MTMR7: variants seen among roughly 807,000 people sequenced by gnomAD.
MTMR7 encodes the protein myotubularin related protein 7, also known as phosphatidylinositol-3-phosphate phosphatase MTMR7.
Under a neutral mutation model 81.2 loss-of-function variants are expected in MTMR7, and 76 were observed. The observed-to-expected ratio is 0.94, with a 90% CI of 0.78 to 1.13. MTMR7 has a LOEUF of 1.13. Among genes scored for constraint, MTMR7 ranks in the 50% most tolerant of loss-of-function variants. The pLI is 0.00. For synonymous variants in MTMR7, 372 were observed against 289.8 expected (o/e 1.28, Z -2.88); for missense variants, 1,044 against 820.0 (o/e 1.27, Z -3.34).
chr8:17,394,316 A>G (rs1821187173), intron 1 of MTMR7, among the ~76,000 whole-genome samples: 2 of 152,256 alleles, frequency 1.3e-5, no homozygotes, highest in South Asian at 4.1e-4. Flanking sequence ...TGATGAATGC[A>G]TAAACAAATG....
chr8:17,357,358 G>T (rs1819926257), intron 4 of MTMR7, among the ~76,000 whole-genome samples: 1 of 152,192 alleles, frequency 6.6e-6, no homozygotes, highest in African/African-American at 2.4e-5. Context: ...AAACGAAATG[G>T]ATGACAAATA....
chr8:17,348,961 C>A lies in MTMR7; in HGVS notation c.589G>T (p.Asp197Tyr). The change falls in exon 5 of 14, where the codon GAT becomes TAT. Residue 197 changes from aspartate (D) to tyrosine (Y), a missense_variant. Coordinates refer to ENST00000180173, the MANE Select transcript of MTMR7 (RefSeq NM_004686.5). ...CACGCCTCGAGACTTACGTGGTTATCTTTATAATAGTAAGAAAGGACAGGA... is the reference window on the plus strand; with the variant it reads ...CACGCCTCGAGACTTACGTGGTTATATTTATAATAGTAAGAAAGGACAGGA... ...RFPVLSYYYK[D>Y]NHASICRSSQ... 6.2e-7 allele frequency: 1 copy of A among 1,613,584 alleles called. No individual in the cohort carries two copies. Among genetic ancestry groups the A allele is most frequent in the Non-Finnish European group, 8.5e-7 (1 of 1,179,936 alleles).
At chr8:17,332,527 T>G (rs1011749725) in intron 6 of MTMR7, among the ~76,000 whole-genome samples, 9 of 152,150 alleles carry the variant, frequency 5.9e-5, no homozygotes. Context: ...CTCTGAGGCT[T>G]ACGATGGGGT....
chr8:17,323,150 G>A (rs981743582), intron 7 of MTMR7, among the ~76,000 whole-genome samples: 3 of 151,556 alleles, frequency 2.0e-5, no homozygotes, highest in African/African-American at 7.3e-5. Context: ...GTTTCACCAT[G>A]TCGGACAGCA....
At chr8:17,306,072 C>A in intron 10 of MTMR7, 115 bp from the exon 11 acceptor site, 1 of 824,176 alleles carries the variant, frequency 1.2e-6, no homozygotes, top group Non-Finnish European at 1.8e-6. Context: ...TCTTATCTTA[C>A]AAACTTGGAA....
At chr8:17,314,249 C>T (rs1817940248) in intron 7 of MTMR7, among the ~76,000 whole-genome samples, 1 of 152,072 alleles carries the variant, frequency 6.6e-6, no homozygotes, top group African/African-American at 2.4e-5. Flanking sequence ...TATCAATCAA[C>T]CAATGAAATT....
At chr8:17,355,089 T>G (rs1819848469) in intron 4 of MTMR7, among the ~76,000 whole-genome samples, 1 of 152,198 alleles carries the variant, frequency 6.6e-6, no homozygotes, top group African/African-American at 2.4e-5. Context: ...GCGCTAATTC[T>G]AGAAGGAAAT....
At chr8:17,380,147 G>A (rs78533989) in intron 1 of MTMR7, among the ~76,000 whole-genome samples, 9,135 of 152,220 alleles carry the variant, frequency 0.06, 323 homozygotes, top group Non-Finnish European at 0.071. Flanking sequence ...GAAATTCTGT[G>A]GAAAGCTTTG....
Position 17,371,039 on chromosome 8 carries a change from G to A in MTMR7, c.308C>T (p.Pro103Leu). 6.2e-7 allele frequency: 1 copy of A among 1,611,970 alleles called. No individual in the cohort carries two copies. Among genetic ancestry groups the A allele is most frequent in the Non-Finnish European group, 8.5e-7 (1 of 1,179,062 alleles). ...VYISLIRLAR[P>L]VKYEELYCFS... ...AATGCCGAGTTCCTCTGCCCTACCT[G>A]GCCTTGCAAGGCGTATCAGGGAGAT... Residue 103 changes from proline to leucine, a missense_variant and splice_region_variant, in exon 3 of 14, where the codon CCA becomes CTA. Transcript: ENST00000180173.
rs1292077338 is a variant in MTMR7, at chr8:17,375,488, T to TGTTTTG, written c.25-2249_25-2248insCAAAAC. On this transcript the variant is annotated intron_variant, in intron 1 of 13. Coordinates refer to ENST00000180173, the MANE Select transcript of MTMR7 (RefSeq NM_004686.5). ...TTCACCTACTAGCTTATGTTTTTTT[T>TGTTTTG]TTTTTTTTACAAGAATTCTTTTGTT... is the stretch of plus-strand genomic sequence containing the variant. 1.3e-4 allele frequency among the ~76,000 whole-genome samples: 20 copies of TGTTTTG among 152,080 alleles called. No homozygotes were observed. In the South Asian group the frequency reaches 2.1e-3, roughly 16 times the overall value.
intron 8 of MTMR7, 194 bp from the exon 9 acceptor site, chr8:17,311,830 C>T (rs1817797546): frequency 2.7e-6 from 2 of 744,186 alleles, no homozygotes; most frequent in Non-Finnish European, 4.3e-6. Flanking sequence ...TAAAGCTTTC[C>T]CTTCCCATTC....
intron 7 of MTMR7, among the ~76,000 whole-genome samples, chr8:17,324,325 A>G (rs1818559558): frequency 6.6e-6 from 1 of 152,178 alleles, no homozygotes. Context: ...ACAAGCAGGT[A>G]TTGTGCCTGA....
At chr8:17,357,369 C>A (rs1380213358) in intron 4 of MTMR7, among the ~76,000 whole-genome samples, 2 of 152,182 alleles carry the variant, frequency 1.3e-5, no homozygotes, top group East Asian at 3.8e-4. Context: ...ATGACAAATA[C>A]AAATGTTACC....
At chr8:17,329,514 G>T (rs960391220) in intron 7 of MTMR7, among the ~76,000 whole-genome samples, 1 of 152,146 alleles carries the variant, frequency 6.6e-6, no homozygotes, top group Non-Finnish European at 1.5e-5. Flanking sequence ...GGTTCCTGAC[G>T]AGAAACCAAA....
intron 1 of MTMR7, among the ~76,000 whole-genome samples, chr8:17,381,057 T>C (rs1820742835): frequency 2.0e-5 from 3 of 152,138 alleles, no homozygotes; most frequent in Admixed American, 2.0e-4. Flanking sequence ...TGTGTGGCAC[T>C]GTGTCAGGTT....
intron 4 of MTMR7, among the ~76,000 whole-genome samples, chr8:17,355,347 T>C (rs1819859008): frequency 6.6e-6 from 1 of 152,156 alleles, no homozygotes; most frequent in East Asian, 1.9e-4. Flanking sequence ...TTTATGGTTG[T>C]TAAATTTAAG....
intron 1 of MTMR7, among the ~76,000 whole-genome samples, chr8:17,380,042 C>A (rs114862877): frequency 6.6e-6 from 1 of 151,974 alleles, no homozygotes; most frequent in Non-Finnish European, 1.5e-5. Context: ...GACACATAAA[C>A]GGATGGTGAG....
rs1816970411 is a variant in MTMR7, at chr8:17,299,678, T to G, written c.*184A>C. 1 of 718,574 alleles carries G rather than the reference T, an allele frequency of 1.4e-6. No individual in the cohort carries two copies. Among genetic ancestry groups the G allele is most frequent in the African/African-American group, 1.8e-5 (1 of 56,032 alleles). 44.5% of individuals were successfully genotyped at this position (718,574 alleles called of 1,614,324 possible). ...TTTTCCTTATATTTGATAAATGAAA[T>G]GACTACGTCCTCTTCAGTATCTAAG... On this transcript the variant is annotated 3_prime_UTR_variant, in exon 14 of 14. Coordinates refer to ENST00000180173, the MANE Select transcript of MTMR7 (RefSeq NM_004686.5).
intron 1 of MTMR7, among the ~76,000 whole-genome samples, chr8:17,401,700 GAA>G (rs955287933): frequency 7.9e-5 from 12 of 152,184 alleles, no homozygotes; most frequent in Middle Eastern, 3.4e-3. Context: ...TGGAAGGAGA[GAA>G]AAAGAGGAGT....
Sources: gnomAD v4.1 joint callset for allele counts (sites outside exome capture counted in the v4.1 genomes callset) on GRCh38, gnomAD v4.1.1 for gene constraint, MANE v1.5 for transcripts, NCBI Gene and HGNC (gene_info 2026-07-23, HGNC 2026-07-21) for gene names.